The following C19orf38 variants were observed in gnomAD, a reference collection of about 807,000 sequenced individuals.
C19orf38 encodes protein HIDE1.
In C19orf38, 14 loss-of-function variants were observed where a neutral mutation model predicts 26.6. That is an observed-to-expected ratio of 0.53 (90% CI 0.35 to 0.82). The LOEUF is 0.82. C19orf38 is among the 40% of genes least tolerant of loss of function. The pLI is 0.01. For missense variants in C19orf38, 261 were observed against 299.5 expected, an observed-to-expected ratio of 0.87 and a Z score of 0.95; for synonymous variants, 132 against 128.5, an observed-to-expected ratio of 1.03 and a Z score of -0.18.
intron 6 of C19orf38, among the ~76,000 whole-genome samples, chr19:10,868,088 G>A (rs2073770260): frequency 6.6e-6 from 1 of 151,984 alleles, no homozygotes; most frequent in African/African-American, 2.4e-5. Flanking sequence ...ATGACCATGG[G>A]TATGCAAATT....
upstream of C19orf38, among the ~76,000 whole-genome samples, chr19:10,844,063 G>A (rs1057417391): frequency 6.6e-6 from 1 of 151,448 alleles, no homozygotes; most frequent in African/African-American, 2.4e-5. Flanking sequence ...CAGTGCAGCC[G>A]AGATTGCGCC....
At chr19:10,844,306 G>A (rs1465374280), upstream of C19orf38, among the ~76,000 whole-genome samples, 1 of 151,952 alleles carries the variant, frequency 6.6e-6, no homozygotes. Flanking sequence ...AGGAAGCTGA[G>A]GCAGGAGAAT....
intron 2 of C19orf38, 119 bp from the exon 3 acceptor site, chr19:10,856,146 T>C: frequency 1.4e-6 from 1 of 733,614 alleles, no homozygotes; most frequent in South Asian, 1.7e-5. Context: ...GCTAAGTCTC[T>C]TGGGTCCAGC....
intron 4 of C19orf38, among the ~76,000 whole-genome samples, chr19:10,859,298 GTGTGTGTGTATGTA>G (rs2073666312): frequency 7.0e-6 from 1 of 142,828 alleles, no homozygotes; most frequent in Non-Finnish European, 1.5e-5. Context: ...GTGTATATGT[GTGTGTGTGTATGTA>G]TGTGTGTGTG....
chr19:10,843,759 G>C (rs553517158), upstream of C19orf38, among the ~76,000 whole-genome samples: 1 of 152,100 alleles, frequency 6.6e-6, no homozygotes, highest in Non-Finnish European at 1.5e-5. Context: ...TGGGAGACAC[G>C]GGACACTGCA....
At chr19:10,853,799 T>C (rs12973042) in intron 2 of C19orf38, among the ~76,000 whole-genome samples, 30,704 of 150,736 alleles carry the variant, frequency 0.2, 3,495 homozygotes, top group Middle Eastern at 0.31. Context: ...GGTTTCACAG[T>C]GTTAGCCAGG....
intron 2 of C19orf38, among the ~76,000 whole-genome samples, chr19:10,853,770 T>G (rs1024109057): frequency 6.6e-6 from 1 of 151,656 alleles, no homozygotes; most frequent in Non-Finnish European, 1.5e-5. Context: ...TTTTTGTATT[T>G]TTTTTTTTAG....
At chr19:10,865,474 C>A (rs1292422736) in intron 6 of C19orf38, among the ~76,000 whole-genome samples, 2 of 147,936 alleles carry the variant, frequency 1.4e-5, no homozygotes, top group Non-Finnish European at 3.0e-5. Flanking sequence ...CTTTTTTTTT[C>A]TTAAATTAAG....
At chr19:10,856,047 C>T (rs2073622038) in intron 2 of C19orf38, among the ~76,000 whole-genome samples, 1 of 152,194 alleles carries the variant, frequency 6.6e-6, no homozygotes, top group African/African-American at 2.4e-5. Context: ...AGTTAGCTCT[C>T]ATTGGCTCCA....
At chr19:10,867,033 G>A (rs146493305) in intron 6 of C19orf38, among the ~76,000 whole-genome samples, 1 of 151,076 alleles carries the variant, frequency 6.6e-6, no homozygotes, top group East Asian at 2.0e-4. Context: ...CAAGTGATCT[G>A]CCCGCCTCGG....
intron 1 of C19orf38, chr19:10,842,134 C>T (rs1445965103): frequency 6.3e-7 from 1 of 1,582,462 alleles, no homozygotes; most frequent in Non-Finnish European, 8.7e-7. Context: ...GACTCATTCA[C>T]TCAGGCCCAG....
At position 10,869,290 on chromosome 19, in the gene C19orf38, A is replaced by G; in HGVS notation, c.616A>G (p.Arg206Gly). The G allele has an allele frequency of 6.4e-7, 1 of 1,551,670 alleles. No homozygotes were observed. Residue 206 changes from arginine to glycine, a missense_variant, in exon 7 of 7, where the codon AGG (arginine) becomes GGG (glycine). By Grantham distance (125) the Arg-to-Gly change is moderately radical. Coordinates refer to ENST00000397820, the MANE Select transcript of C19orf38 (RefSeq NM_001136482.3). ...SGTTATPSNS[R>G]TRKRPTSTSS... Reference sequence around the variant, plus strand: ...CACCACTGCCACCCCCAGCAACTCCAGGACCCGGAAGAGGCCCACTTCCAC... The same window carrying G: ...CACCACTGCCACCCCCAGCAACTCCGGGACCCGGAAGAGGCCCACTTCCAC...
chr19:10,863,160 T>C lies in C19orf38; in HGVS notation c.506-10T>C. 1 of 1,551,200 alleles carries C rather than the reference T, an allele frequency of 6.4e-7. No individual in the cohort carries two copies. The highest frequency in any genetic ancestry group is 8.7e-7 in the Non-Finnish European group (1 of 1,146,612). On this transcript the variant is annotated splice_polypyrimidine_tract_variant and intron_variant, in intron 5 of 6. Coordinates refer to ENST00000397820, the MANE Select transcript of C19orf38 (RefSeq NM_001136482.3). The stretch of plus-strand genomic sequence containing the variant: ...CCCAATCCTGGGTTTTCTTTCTCTT[T>C]CTGTTTCAGACATGTCCTTCGATAA...
intron 3 of C19orf38, among the ~76,000 whole-genome samples, chr19:10,856,683 T>C (rs1456752361): frequency 1.3e-5 from 2 of 151,936 alleles, no homozygotes; most frequent in Non-Finnish European, 1.5e-5. Context: ...TTTGTATTTT[T>C]AGAAGAGATG....
intron 3 of C19orf38, among the ~76,000 whole-genome samples, chr19:10,857,357 TATATATA>T (rs1171751696): frequency 1.1e-4 from 9 of 85,500 alleles, no homozygotes; most frequent in Non-Finnish European, 1.6e-4. Flanking sequence ...TATATATATA[TATATATA>T]TATTTTTTTT....
At chr19:10,841,523 T>C (rs185728685) in intron 1 of C19orf38, among the ~76,000 whole-genome samples, 110 of 151,982 alleles carry the variant, frequency 7.2e-4, no homozygotes, top group African/African-American at 2.5e-3. Context: ...CCGGGCACAG[T>C]GGCTCACGCC....
chr19:10,849,745 TGC>T (rs368672868), intron 1 of C19orf38, among the ~76,000 whole-genome samples: 128 of 152,178 alleles, frequency 8.4e-4, no homozygotes, highest in African/African-American at 2.8e-3. Flanking sequence ...ATAGTTGTGT[TGC>T]TATGTAATAA....
upstream of C19orf38, among the ~76,000 whole-genome samples, chr19:10,846,538 A>G (rs571911768): frequency 2.6e-5 from 4 of 152,154 alleles, no homozygotes; most frequent in Admixed American, 6.5e-5. Context: ...AGTCAAGTCA[A>G]AAGGCAATAA....
chr19:10,868,216 T>C (rs2073771363), intron 6 of C19orf38, among the ~76,000 whole-genome samples: 1 of 152,252 alleles, frequency 6.6e-6, no homozygotes, highest in Non-Finnish European at 1.5e-5. Context: ...ATTACCTTGC[T>C]GAGTGTCTGA....
Sources: allele counts gnomAD v4.1 joint callset (sites outside exome capture counted in the v4.1 genomes callset), GRCh38; gene constraint gnomAD v4.1.1; transcripts MANE v1.5; gene names NCBI Gene and HGNC (gene_info 2026-07-23, HGNC 2026-07-21).